Variants in SLC67A1 observed in about 807,000 individuals in gnomAD.
SLC67A1 encodes solute carrier family 67 member 1.
the SLC67A1 span, among the ~76,000 whole-genome samples, chr11:2,902,895 A>G: frequency 1.3e-5 from 2 of 152,228 alleles, no homozygotes; most frequent in Non-Finnish European, 2.9e-5. Context: ...CTCCAGGCAC[A>G]GGGACCCACA....
chr11:2,924,461 C>T, the SLC67A1 span, among the ~76,000 whole-genome samples: 1 of 152,122 alleles, frequency 6.6e-6, no homozygotes, highest in African/African-American at 2.4e-5. The surrounding 1 kb of genome is among the most constrained non-coding windows in gnomAD (Gnocchi z 8.6). Flanking sequence ...CAAGCCCCAA[C>T]GGTGTCTCAC....
the SLC67A1 span, chr11:2,922,422 G>A: frequency 6.2e-6 from 10 of 1,607,826 alleles, no homozygotes; most frequent in East Asian, 2.2e-5. Flanking sequence ...CTCGGCCCCC[G>A]CCTGCCGTCC....
chr11:2,923,734 G>A, the SLC67A1 span, among the ~76,000 whole-genome samples: 1 of 152,202 alleles, frequency 6.6e-6, no homozygotes, highest in South Asian at 2.1e-4. This position sits in a 1 kb window ranked among gnomAD's most constrained non-coding sequence, Gnocchi z 6.5. Context: ...GACCCGGCCT[G>A]GCTGGGAAGA....
the SLC67A1 span, chr11:2,909,391 G>A: frequency 1.3e-6 from 2 of 1,501,868 alleles, no homozygotes; most frequent in South Asian, 1.2e-5. Flanking sequence ...AGGTGGGGCC[G>A]GGTCGGGGGC....
chr11:2,917,132 C>G, the SLC67A1 span: 35 of 231,306 alleles, frequency 1.5e-4, no homozygotes, highest in Non-Finnish European at 2.7e-4. Flanking sequence ...CAGGGAGAGG[C>G]GAGGGTGCTG....
At chr11:2,918,184 C>G in the SLC67A1 span, 10 of 941,368 alleles carry the variant, frequency 1.1e-5, no homozygotes, top group African/African-American at 1.6e-5. Flanking sequence ...GGCCTGTGCC[C>G]CACAGGTCCA....
the SLC67A1 span, chr11:2,916,545 G>T: frequency 0.074 from 78,107 of 1,053,192 alleles, 3,229 homozygotes; most frequent in Middle Eastern, 0.1. Context: ...GCAACCAAAG[G>T]TGCAGGTTGG....
the SLC67A1 span, among the ~76,000 whole-genome samples, chr11:2,905,626 G>A: frequency 9.6e-4 from 146 of 152,214 alleles, no homozygotes; most frequent in African/African-American, 3.2e-3. Context: ...AAACAGTGCC[G>A]CGATAAAAAT....
chr11:2,905,842 C>T, the SLC67A1 span, among the ~76,000 whole-genome samples: 2 of 152,176 alleles, frequency 1.3e-5, no homozygotes, highest in Admixed American at 6.5e-5. Flanking sequence ...GCCACCCCCT[C>T]AAAAGGGGAT....
At chr11:2,913,796 G>A in the SLC67A1 span, among the ~76,000 whole-genome samples, 1 of 152,222 alleles carries the variant, frequency 6.6e-6, no homozygotes, top group African/African-American at 2.4e-5. Flanking sequence ...CTGTCACCTT[G>A]TGCGTCCCCT....
chr11:2,919,036 C>G, the SLC67A1 span: 1 of 437,772 alleles, frequency 2.3e-6, no homozygotes, highest in Non-Finnish European at 4.2e-6. Flanking sequence ...AATCCTCCCA[C>G]GTGGTCAGCC....
the SLC67A1 span, chr11:2,922,559 G>A: frequency 1.2e-6 from 2 of 1,612,018 alleles, no homozygotes; most frequent in Non-Finnish European, 1.7e-6. Flanking sequence ...GGACACAGGT[G>A]AGTGTGGCCA....
At chr11:2,915,168 C>G in the SLC67A1 span, 3 of 985,370 alleles carry the variant, frequency 3.0e-6, no homozygotes, top group Non-Finnish European at 3.6e-6. Flanking sequence ...TGGCCAATGC[C>G]CAGACTCTCT....
chr11:2,911,187 G>A, the SLC67A1 span, among the ~76,000 whole-genome samples: 3 of 152,112 alleles, frequency 2.0e-5, no homozygotes, highest in African/African-American at 4.8e-5. Flanking sequence ...TGCAATAGAC[G>A]GATCAAGGGA....
chr11:2,924,970 G>A, the SLC67A1 span: 3 of 1,556,092 alleles, frequency 1.9e-6, no homozygotes, highest in African/African-American at 1.4e-5. The surrounding 1 kb of genome is among the most constrained non-coding windows in gnomAD (Gnocchi z 8.6). Context: ...GTTGGCCCAG[G>A]GAGCTGCCCA....
At chr11:2,922,123 G>T in the SLC67A1 span, 2 of 1,613,054 alleles carry the variant, frequency 1.2e-6, no homozygotes, top group South Asian at 2.2e-5. Context: ...CCTGGTCATC[G>T]GGCAGCTGAG....
chr11:2,924,893 A>C, the SLC67A1 span: 3 of 864,532 alleles, frequency 3.5e-6, no homozygotes, highest in East Asian at 7.6e-5. The surrounding 1 kb of genome is among the most constrained non-coding windows in gnomAD (Gnocchi z 8.6). Flanking sequence ...CAAGGTGCGG[A>C]CTGCGCCGTG....
the SLC67A1 span, chr11:2,920,339 A>G: frequency 2.6e-5 from 4 of 152,330 alleles, no homozygotes; most frequent in African/African-American, 7.2e-5. Flanking sequence ...AACAGCAACA[A>G]TAATAGTAAC....
At chr11:2,924,456 C>T in the SLC67A1 span, among the ~76,000 whole-genome samples, 2 of 152,086 alleles carry the variant, frequency 1.3e-5, no homozygotes, top group African/African-American at 4.8e-5. This position sits in a 1 kb window ranked among gnomAD's most constrained non-coding sequence, Gnocchi z 8.6. Context: ...GAACTCAAGC[C>T]CCAACGGTGT....
Sources: gnomAD v4.1 joint callset for allele counts (sites outside exome capture counted in the v4.1 genomes callset) on GRCh38, gnomAD v4.1.1 for gene constraint, Gnocchi (gnomAD v3.1) non-coding constraint, MANE v1.5 for transcripts, NCBI Gene and HGNC (gene_info 2026-07-23, HGNC 2026-07-21) for gene names.